The following SLC4A11 variants were observed in gnomAD, a reference collection of about 807,000 sequenced individuals.
SLC4A11 encodes solute carrier family 4 member 11.
In SLC4A11, 74 loss-of-function variants were observed where a neutral mutation model predicts 95.0. That is an observed-to-expected ratio of 0.78 (90% confidence interval 0.65 to 0.95). The LOEUF is 0.95. SLC4A11 is among the 40% of genes least tolerant of loss of function. The probability of loss-of-function intolerance (pLI) is 0.00; values close to 1 mark genes in which losing one functional copy is unlikely to be tolerated. For missense variants in SLC4A11, 1,081 were observed against 1,192.4 expected (o/e 0.91, Z 1.38); for synonymous variants, 548 against 519.0 (o/e 1.06, Z -0.76).
rs2122509878 is a variant in SLC4A11, at chr20:3,228,935, G to A, written c.2095C>T (p.Leu699=). 1.2e-6 allele frequency: 2 copies of A among 1,613,960 alleles called. No homozygotes were observed. Among genetic ancestry groups the A allele is most frequent in the Non-Finnish European group, 1.7e-6 (2 of 1,180,020 alleles). ...IINTGLSLFG[L]PWIHAAYPHS... is the part of the protein sequence containing the mutation. ...GGGTAGGCGGCATGGATCCAAGGCA[G>A]CCCAAACAGAGACAGCCCTGTGTTG... The change falls in exon 17 of 20, where the codon CTG becomes TTG. Residue 699 remains leucine (L), a synonymous_variant. Coordinates refer to ENST00000642402, the MANE Select transcript of SLC4A11 (RefSeq NM_001174089.2).
intron 7 of SLC4A11, among the ~76,000 whole-genome samples, chr20:3,232,767 A>G (rs940841261): frequency 3.2e-4 from 49 of 152,322 alleles, no homozygotes; most frequent in African/African-American, 1.2e-3. Context: ...CAAAAGAACT[A>G]GTCCATGCTC....
chr20:3,234,314 A>G lies in SLC4A11; in HGVS notation c.292T>C (p.Tyr98His). 1 of 1,613,458 alleles carries G rather than the reference A, an allele frequency of 6.2e-7. No individual in the cohort carries two copies. The highest frequency in any genetic ancestry group is 8.5e-7 in the Non-Finnish European group (1 of 1,179,866). ...TCCTTGAAGTTCTTTAACTTCAGGT[A>G]CTGAGGGGACCCCAGGGACAGAACC... is the stretch of plus-strand genomic sequence containing the variant. ...GCVLLHTSRK[Y>H]LKLKNFKEEI... Residue 98 changes from tyrosine to histidine, a missense_variant and splice_region_variant, in exon 5 of 20, where the codon TAC (tyrosine) becomes CAC (histidine). Tyr to His is a moderately conservative substitution (Grantham distance 83). Transcript: ENST00000642402. The surrounding 1 kb of genome is among the most constrained non-coding windows in gnomAD (Gnocchi z 5.8).
At chr20:3,238,874 G>T in intron 1 of SLC4A11, 1 of 1,232,900 alleles carries the variant, frequency 8.1e-7, no homozygotes, top group African/African-American at 1.6e-5. Flanking sequence ...GGCGACAGCA[G>T]AGCCCTAATG....
At position 3,228,327 on chromosome 20, in the gene SLC4A11, G is replaced by T. The variant is rs761356123; in HGVS notation, c.2490C>A (p.Phe830Leu). ...QVLQLLLLCA[F>L]GMSSLPYMKM... is the part of the protein sequence containing the mutation. Reference sequence around the variant, plus strand: ...TCATGTAGGGCAGGGAGCTCATGCCGAAGGCACACAGCAGCAGCAGCTGAA... The same window carrying T: ...TCATGTAGGGCAGGGAGCTCATGCCTAAGGCACACAGCAGCAGCAGCTGAA... Residue 830 changes from phenylalanine (F) to leucine (L), a missense_variant, in exon 19 of 20, where the codon TTC becomes TTA. Coordinates refer to ENST00000642402, the MANE Select transcript of SLC4A11 (RefSeq NM_001174089.2). 1 of 1,613,072 alleles carries T rather than the reference G, an allele frequency of 6.2e-7. No homozygotes were observed. Among genetic ancestry groups the T allele is most frequent in the African/African-American group, 1.3e-5 (1 of 74,864 alleles).
At chr20:3,238,439 C>A (rs1188744655) in intron 1 of SLC4A11, 2 of 1,027,476 alleles carry the variant, frequency 1.9e-6, no homozygotes, top group East Asian at 1.8e-4. Context: ...GGGGCGGGGG[C>A]GCTGGGGCGC....
upstream of SLC4A11, chr20:3,239,488 G>T: frequency 9.9e-7 from 1 of 1,009,494 alleles, no homozygotes; most frequent in Non-Finnish European, 1.2e-6. Context: ...GGCTGGACGG[G>T]GCCGGGGAGC....
chr20:3,239,344 T>G, upstream of SLC4A11: 1 of 1,138,338 alleles, frequency 8.8e-7, no homozygotes, highest in Non-Finnish European at 1.1e-6. Context: ...CCCCGCGCCC[T>G]CACCCGCGGG....
chr20:3,227,681 C>T lies in SLC4A11; in HGVS notation c.*106G>A. On this transcript the variant is annotated 3_prime_UTR_variant, in exon 20 of 20. Coordinates refer to ENST00000642402, the MANE Select transcript of SLC4A11 (RefSeq NM_001174089.2). The stretch of plus-strand genomic sequence containing the variant: ...GGCCTGAGTCAGCCATGAGAAGGCG[C>T]AGCACAGAGCAGTCACCCACACACC... 8.1e-7 allele frequency: 1 copy of T among 1,230,810 alleles called. No homozygotes were observed. Among genetic ancestry groups the T allele is most frequent in the Non-Finnish European group, 1.2e-6 (1 of 860,352 alleles). 76.2% of individuals were successfully genotyped at this position (1,230,810 alleles called of 1,614,324 possible). A position where few individuals can be genotyped will look rare whatever the true frequency, so the allele number is the denominator to read the frequency against.
At position 3,239,081 on chromosome 20, in the gene SLC4A11, G is replaced by A. The variant is rs778331087; in HGVS notation, c.43+14C>T. The A allele has an allele frequency of 7.5e-5, 111 of 1,474,914 alleles. No homozygotes were observed. Among genetic ancestry groups the A allele is most frequent in the Non-Finnish European group, 9.8e-5 (109 of 1,117,500 alleles). 91.4% of individuals were successfully genotyped at this position (1,474,914 alleles called of 1,614,324 possible). Reference sequence around the variant, plus strand: ...GGCGGCCTTCCCGCCGCGCCCCCGGGTTCAGGCACCCACCGCACGGCTGCA... The same window carrying A: ...GGCGGCCTTCCCGCCGCGCCCCCGGATTCAGGCACCCACCGCACGGCTGCA... On this transcript the variant is annotated intron_variant, in intron 1 of 19. Transcript: ENST00000642402.
intron 2 of SLC4A11, among the ~76,000 whole-genome samples, chr20:3,235,599 T>C (rs546004905): frequency 6.6e-5 from 10 of 152,114 alleles, no homozygotes; most frequent in African/African-American, 1.9e-4. Context: ...TGAGGGTGTG[T>C]AATGGCACCT....
At chr20:3,235,484 A>C (rs951565287) in intron 2 of SLC4A11, among the ~76,000 whole-genome samples, 9 of 152,206 alleles carry the variant, frequency 5.9e-5, no homozygotes, top group African/African-American at 2.2e-4. Flanking sequence ...AGGGAAACAG[A>C]GCCAGGGGCT....
chr20:3,234,909 G>A lies in SLC4A11; in HGVS notation c.89-15C>T, dbSNP rs139744117. 9.5e-4 allele frequency: 1,538 copies of A among 1,613,722 alleles called. 15 individuals carry two copies. The African/African-American group carries it at 0.018, about 19-fold the overall frequency. ...CTTGTAGTAGCCTAGAGACCCCCAA[G>A]AGCAAGAGGGCCTGGCTGTTAAAGT... On this transcript the variant is annotated splice_polypyrimidine_tract_variant and intron_variant, in intron 2 of 19. Transcript: ENST00000642402. The surrounding 1 kb of genome is among the most constrained non-coding windows in gnomAD (Gnocchi z 5.8).
At chr20:3,238,491 G>A in intron 1 of SLC4A11, 2 of 1,007,434 alleles carry the variant, frequency 2.0e-6, no homozygotes, top group Non-Finnish European at 2.4e-6. Flanking sequence ...GGGTTGGGCC[G>A]GTGCACACTC....
chr20:3,229,504 C>A lies in SLC4A11; in HGVS notation c.1742+20G>T, dbSNP rs1186429103. The stretch of plus-strand genomic sequence containing the variant: ...GCCTTTGACCCATGCGGCCCCTCCC[C>A]TCCCCATGCAGCCCCTCACCTCTTC... On this transcript the variant is annotated intron_variant, in intron 14 of 19. Coordinates refer to ENST00000642402, the MANE Select transcript of SLC4A11 (RefSeq NM_001174089.2). 1.9e-6 allele frequency: 3 copies of A among 1,612,826 alleles called. No homozygotes were observed. Among genetic ancestry groups the A allele is most frequent in the African/African-American group, 1.3e-5 (1 of 75,046 alleles).
chr20:3,230,357 G>C, intron 12 of SLC4A11, 97 bp from the exon 13 acceptor site: 1 of 1,576,892 alleles, frequency 6.3e-7, no homozygotes, highest in Non-Finnish European at 8.7e-7. Context: ...GCCTCCCCCT[G>C]CCAGGAAGAA....
chr20:3,236,330 C>A (rs998839300), intron 2 of SLC4A11, among the ~76,000 whole-genome samples: 2 of 152,180 alleles, frequency 1.3e-5, no homozygotes, highest in African/African-American at 4.8e-5. Flanking sequence ...GACATCCTTG[C>A]CTTTGGGAGG....
Position 3,230,590 on chromosome 20 carries a change from G to A in SLC4A11, c.1340C>T (p.Thr447Met), listed in dbSNP as rs778463353. ...AAGGAAGAAACTATTCCACAGGCCCGTCCATGCGTAGAAGGAGTTGAAGTC... is the reference window on the plus strand; with the variant it reads ...AAGGAAGAAACTATTCCACAGGCCCATCCATGCGTAGAAGGAGTTGAAGTC... ...DLDFNSFYAW[T>M]GLWNSFFLAL... is the part of the protein sequence containing the mutation. The change falls in exon 12 of 20, where the codon ACG becomes ATG. Residue 447 changes from threonine (T) to methionine (M), a missense_variant. Coordinates refer to ENST00000642402, the MANE Select transcript of SLC4A11 (RefSeq NM_001174089.2). 16 of 1,613,732 alleles carry A rather than the reference G, an allele frequency of 9.9e-6. No homozygotes were observed. Among genetic ancestry groups the A allele is most frequent in the East Asian group, 2.2e-5 (1 of 44,884 alleles).
chr20:3,235,533 C>A (rs2067954136), intron 2 of SLC4A11, among the ~76,000 whole-genome samples: 2 of 152,110 alleles, frequency 1.3e-5, no homozygotes, highest in Non-Finnish European at 2.9e-5. Context: ...GTCAGCCCTG[C>A]CCCCATCGTG....
chr20:3,237,747 C>T, intron 1 of SLC4A11, 159 bp from the exon 2 acceptor site: 2 of 1,613,308 alleles, frequency 1.2e-6, no homozygotes, highest in Non-Finnish European at 1.7e-6. Context: ...GGACAGTGCT[C>T]GGGAGGGGGC....
Sources: allele counts gnomAD v4.1 joint callset (sites outside exome capture counted in the v4.1 genomes callset), GRCh38; gene constraint gnomAD v4.1.1; non-coding constraint Gnocchi (gnomAD v3.1); transcripts MANE v1.5; gene names NCBI Gene and HGNC (gene_info 2026-07-23, HGNC 2026-07-21).